Variants in EXOC1 observed in about 807,000 individuals in gnomAD.
EXOC1 encodes SEC3-like 1.
In EXOC1, 67 loss-of-function variants were observed where a neutral mutation model predicts 107.7. That is an observed-to-expected ratio of 0.62 (90% CI 0.51 to 0.76). EXOC1 has a LOEUF of 0.76. EXOC1 is among the 30% of genes least tolerant of loss of function. The probability of loss-of-function intolerance (pLI) is 0.00; values close to 1 mark genes in which losing one functional copy is unlikely to be tolerated. For missense variants in EXOC1, 833 were observed against 1,055.7 expected (o/e 0.79, Z 2.92); for synonymous variants, 348 against 353.5 (o/e 0.98, Z 0.17).
chr4:55,869,670 A>G (rs1722252781), intron 5 of EXOC1, among the ~76,000 whole-genome samples: 1 of 152,208 alleles, frequency 6.6e-6, no homozygotes, highest in African/African-American at 2.4e-5. Flanking sequence ...TCCTGGGCAG[A>G]TTCAAACCCC....
intron 1 of EXOC1, among the ~76,000 whole-genome samples, chr4:55,856,142 C>G (rs758123109): frequency 1.3e-5 from 2 of 152,180 alleles, no homozygotes; most frequent in Non-Finnish European, 2.9e-5. Context: ...CTAACTTTCA[C>G]TGGATGTAGA....
chr4:55,903,758 T>C (rs1726283923), intron 18 of EXOC1, among the ~76,000 whole-genome samples: 2 of 152,314 alleles, frequency 1.3e-5, no homozygotes, highest in East Asian at 3.9e-4. Flanking sequence ...TGTATCACAT[T>C]GTGTCTTGGT....
At position 55,891,428 on chromosome 4, in the gene EXOC1, G is replaced by A. The variant is rs750839977; in HGVS notation, c.1647+6G>A. The A allele has an allele frequency of 1.9e-6, 3 of 1,554,246 alleles. No homozygotes were observed. Among genetic ancestry groups the A allele is most frequent in the African/African-American group, 2.7e-5 (2 of 73,662 alleles). On this transcript the variant is annotated splice_donor_region_variant and intron_variant, in intron 13 of 18. Transcript: ENST00000381295. The stretch of plus-strand genomic sequence containing the variant: ...AAAGTATGCCTGGAACTATGGTATG[G>A]CTCACAGTGTATTTTGGATAGTATT...
chr4:55,857,168 CTTTTTTTTTTTTTT>C lies in EXOC1; in HGVS notation c.-10-1132_-10-1119del, dbSNP rs71192052. Among the ~76,000 whole-genome samples, 90 of 65,748 alleles carry C rather than the reference CTTTTTTTTTTTTTT, an allele frequency of 1.4e-3. 1 individual carries two copies. The highest frequency in any genetic ancestry group is 7.1e-4 in the Admixed American group (3 of 4,214). 43.1% of individuals were successfully genotyped at this position (65,748 alleles called of 152,430 possible). ...TTTCATTACTTCATTTCCTTTTTTT[CTTTTTTTTTTTTTT>C]TTTTTTTTTTTTTGGAGACAGAGTC... On this transcript the variant is annotated intron_variant, in intron 1 of 18. Transcript: ENST00000381295.
intron 14 of EXOC1, 101 bp from the exon 15 acceptor site, chr4:55,893,450 TG>T: frequency 2.0e-6 from 2 of 990,642 alleles, no homozygotes; most frequent in Non-Finnish European, 3.0e-6. Context: ...AATTTAATTA[TG>T]GTATTTTTGT....
chr4:55,903,068 C>CA (rs752913027), intron 18 of EXOC1, among the ~76,000 whole-genome samples: 10 of 150,440 alleles, frequency 6.6e-5, no homozygotes, highest in South Asian at 2.1e-4. Context: ...CACTTGAGCC[C>CA]AGGAGATTGA....
chr4:55,892,817 TCA>T (rs984490241), intron 14 of EXOC1, 106 bp downstream of exon 14: 1 of 985,690 alleles, frequency 1.0e-6, no homozygotes, highest in Non-Finnish European at 1.6e-6. Context: ...CTGACAGCAC[TCA>T]CAGTACCAGC....
chr4:55,893,607 C>G lies in EXOC1; in HGVS notation c.1780C>G (p.Leu594Val). Residue 594 changes from leucine to valine, a missense_variant, in exon 15 of 19, where the codon CTG becomes GTG. This residue lies in a region of EXOC1 where 617 missense variants were observed against 701.3 expected (regional missense o/e 0.88). Coordinates refer to ENST00000381295, the MANE Select transcript of EXOC1 (RefSeq NM_001024924.2). ...IKIFRCIEPELNNLIALGDKI... is the reference protein window; with the variant it reads ...IKIFRCIEPEVNNLIALGDKI... ...AATATTTCGCTGCATTGAGCCAGAG[C>G]TGAACAACCTAATTGCATTAGGAGA... The G allele has an allele frequency of 1.2e-6, 2 of 1,614,012 alleles. No individual in the cohort carries two copies. Among genetic ancestry groups the G allele is most frequent in the Non-Finnish European group, 1.7e-6 (2 of 1,179,998 alleles).
At chr4:55,858,829 G>GT (rs1272555692) in intron 2 of EXOC1, among the ~76,000 whole-genome samples, 2 of 152,038 alleles carry the variant, frequency 1.3e-5, no homozygotes, top group Admixed American at 1.3e-4. Context: ...CCTTTTGTTG[G>GT]TTGTATGCAT....
chr4:55,873,343 C>T (rs1367263691), intron 8 of EXOC1, among the ~76,000 whole-genome samples: 1 of 151,832 alleles, frequency 6.6e-6, no homozygotes, highest in East Asian at 1.9e-4. Flanking sequence ...TGAAAAGTGT[C>T]GAGAAAAAAG....
In EXOC1 at chr4:55,873,152, T is replaced by A. The variant is rs531083317; in HGVS notation, c.1074+1194T>A. ...GTACATACCAGACATTAACTTGGGA[T>A]AAATGAGAGACCAATCCTGTCCTCT... On this transcript the variant is annotated intron_variant, in intron 8 of 18. Coordinates refer to ENST00000381295, the MANE Select transcript of EXOC1 (RefSeq NM_001024924.2). Among the ~76,000 whole-genome samples, 3 of 152,154 alleles carry A rather than the reference T, an allele frequency of 2.0e-5. No homozygotes were observed. In the South Asian group the frequency reaches 6.2e-4, roughly 32 times the overall value.
intron 8 of EXOC1, chr4:55,875,359 G>C: frequency 2.5e-6 from 2 of 815,652 alleles, no homozygotes; most frequent in Non-Finnish European, 3.0e-6. Flanking sequence ...ACTTTGCTCA[G>C]ATTTTTTTTT....
intron 10 of EXOC1, among the ~76,000 whole-genome samples, chr4:55,886,844 A>G (rs895401096): frequency 7.2e-5 from 11 of 152,198 alleles, no homozygotes; most frequent in African/African-American, 2.4e-4. Flanking sequence ...ATATAGTGAT[A>G]GAGAATCAGG....
At chr4:55,888,831 A>T in intron 10 of EXOC1, 57 bp from the exon 11 acceptor site, 1 of 1,579,336 alleles carries the variant, frequency 6.3e-7, no homozygotes, top group Non-Finnish European at 8.7e-7. Context: ...GGTTTGTGCA[A>T]ATTGCAGTTT....
intron 3 of EXOC1, among the ~76,000 whole-genome samples, chr4:55,862,003 G>A (rs984777651): frequency 4.6e-5 from 7 of 151,910 alleles, no homozygotes; most frequent in Non-Finnish European, 4.4e-5. Context: ...GCAGTGAGCC[G>A]AGATTGCGCC....
At chr4:55,882,099 T>TCTGTTG (rs113029091) in intron 9 of EXOC1, among the ~76,000 whole-genome samples, 3 of 150,872 alleles carry the variant, frequency 2.0e-5, no homozygotes, top group Non-Finnish European at 4.4e-5. Context: ...CCATAGGGTT[T>TCTGTTG]TTGTTGTTGT....
intron 8 of EXOC1, 54 bp from the exon 9 acceptor site, chr4:55,877,863 T>G (rs1005646219): frequency 3.8e-6 from 6 of 1,598,826 alleles, no homozygotes; most frequent in Non-Finnish European, 5.1e-6. Flanking sequence ...CTTTTTATTG[T>G]AACGTTTCTT....
chr4:55,888,989 G>A, intron 11 of EXOC1, 57 bp downstream of exon 11: 1 of 1,574,796 alleles, frequency 6.4e-7, no homozygotes, highest in Non-Finnish European at 8.7e-7. Flanking sequence ...TTAATGTCTA[G>A]AAATTAGTTG....
chr4:55,875,106 A>G (rs1024506361), intron 8 of EXOC1, among the ~76,000 whole-genome samples: 7 of 152,204 alleles, frequency 4.6e-5, no homozygotes, highest in African/African-American at 1.7e-4. Flanking sequence ...TAAAAGTACA[A>G]CCAGGAAAAA....
Sources: gnomAD v4.1 joint callset for allele counts (sites outside exome capture counted in the v4.1 genomes callset) on GRCh38, gnomAD v4.1.1 for gene constraint, gnomAD v4.1.1 regional missense constraint, MANE v1.5 for transcripts, NCBI Gene and HGNC (gene_info 2026-07-23, HGNC 2026-07-21) for gene names.